CTNNB1: variants seen among roughly 807,000 people sequenced by gnomAD.
CTNNB1 encodes catenin beta-1.
CTNNB1 carries 6 observed loss-of-function variants against 82.5 expected under a neutral mutation model. The ratio of observed to expected loss-of-function variants is 0.07; its 90% CI spans 0.04 to 0.14. The LOEUF is 0.14. Among genes scored for constraint, CTNNB1 ranks in the 10% least tolerant of loss-of-function variants. The pLI, the probability that CTNNB1 is intolerant of heterozygous loss-of-function variation, is 1.00. For synonymous variants in CTNNB1, 312 were observed against 329.7 expected, an observed-to-expected ratio of 0.95 and a Z score of 0.58; for missense variants, 529 against 980.4, an observed-to-expected ratio of 0.54 and a Z score of 6.15.
intron 1 of CTNNB1, among the ~76,000 whole-genome samples, chr3:41,213,040 G>A (rs561165006): frequency 2.4e-4 from 37 of 152,252 alleles, no homozygotes; most frequent in African/African-American, 8.9e-4. Flanking sequence ...ATAAGATTGT[G>A]TTATTCACCT....
intron 1 of CTNNB1, among the ~76,000 whole-genome samples, chr3:41,207,659 C>A (rs2077680100): frequency 6.6e-6 from 1 of 152,218 alleles, no homozygotes; most frequent in African/African-American, 2.4e-5. Context: ...CCCCCAGACT[C>A]TAATCCTGTT....
At position 41,225,597 on chromosome 3, in the gene CTNNB1, G is replaced by A. The variant is rs2125623714; in HGVS notation, c.734+25G>A. On this transcript the variant is annotated intron_variant, in intron 5 of 14. Transcript: ENST00000349496. The surrounding 1 kb of genome is among the most constrained non-coding windows in gnomAD (Gnocchi z 5.3). ...GGTAAGAAAACATGTCAGAATGCTT[G>A]AAGCTAAAAAGTAGAAGAGTATACT... 2 of 1,614,008 alleles carry A rather than the reference G, an allele frequency of 1.2e-6. No homozygotes were observed. Among genetic ancestry groups the A allele is most frequent in the Non-Finnish European group, 1.7e-6 (2 of 1,179,890 alleles).
rs2125627796 is a variant in CTNNB1 at position 41,227,260 on chromosome 3, C to A, written c.989C>A (p.Thr330Asn). The change falls in exon 7 of 15, where the codon ACC becomes AAC. Residue 330 changes from threonine (T) to asparagine (N), a missense_variant. Coordinates refer to ENST00000349496, the MANE Select transcript of CTNNB1 (RefSeq NM_001904.4). ...GPQALVNIMR[T>N]YTYEKLLWTT... Reference sequence around the variant, plus strand: ...CAAGCTTTAGTAAATATAATGAGGACCTATACTTACGAAAAACTACTGTGG... The same window carrying A: ...CAAGCTTTAGTAAATATAATGAGGAACTATACTTACGAAAAACTACTGTGG... The A allele has an allele frequency of 6.2e-7, 1 of 1,612,694 alleles. No individual in the cohort carries two copies. The highest frequency in any genetic ancestry group is 1.1e-5 in the South Asian group (1 of 91,046).
intron 6 of CTNNB1, among the ~76,000 whole-genome samples, chr3:41,226,495 G>T (rs2078179000): frequency 6.6e-6 from 1 of 152,180 alleles, no homozygotes; most frequent in Non-Finnish European, 1.5e-5. Context: ...CTAGGTGAAG[G>T]TTAGGTGAGA....
chr3:41,233,221 G>A (rs1163123405), intron 7 of CTNNB1, 120 bp from the exon 8 acceptor site: 5 of 839,234 alleles, frequency 6.0e-6, no homozygotes, highest in Non-Finnish European at 9.9e-6. Context: ...AAATACTTAG[G>A]TGAAAGGAAG....
intron 1 of CTNNB1, among the ~76,000 whole-genome samples, chr3:41,208,638 G>T (rs4016435): frequency 0.13 from 19,396 of 152,072 alleles, 2,131 homozygotes; most frequent in African/African-American, 0.27. Flanking sequence ...TCGTATACAC[G>T]TTTAACAATC....
chr3:41,234,110 G>T lies in CTNNB1; in HGVS notation c.1525-29G>T, dbSNP rs571211529. ...GGTAAGAAAATGATTTTGTTGAGTT[G>T]TATGCCAGTTCTTCCTTCTGTTTTT... On this transcript the variant is annotated intron_variant, in intron 9 of 14. Coordinates refer to ENST00000349496, the MANE Select transcript of CTNNB1 (RefSeq NM_001904.4). The T allele has an allele frequency of 2.5e-6, 4 of 1,614,078 alleles. No homozygotes were observed. The South Asian group carries it at 4.4e-5, about 18-fold the overall frequency.
rs2078166760 is a variant in CTNNB1 at position 41,225,987 on chromosome 3, T to C, written c.936+126T>C. ...AGTTTCGTGGAAAACAGTTTTTCCATGAATGGGTTGTGGGAATGGTTTCTG... is the reference window on the plus strand; with the variant it reads ...AGTTTCGTGGAAAACAGTTTTTCCACGAATGGGTTGTGGGAATGGTTTCTG... On this transcript the variant is annotated intron_variant, in intron 6 of 14. Transcript: ENST00000349496. This position sits in a 1 kb window ranked among gnomAD's most constrained non-coding sequence, Gnocchi z 5.3. 4.9e-6 allele frequency: 4 copies of C among 823,778 alleles called. No individual in the cohort carries two copies. Among genetic ancestry groups the C allele is most frequent in the South Asian group, 1.4e-5 (1 of 69,132 alleles). The allele number at this position is 823,778 out of a possible 1,614,324, so 51.0% of individuals were successfully genotyped here. A position where few individuals can be genotyped will look rare whatever the true frequency, so the allele number is the denominator to read the frequency against.
At chr3:41,238,115 C>CT (rs1348053454) in intron 14 of CTNNB1, 39 bp downstream of exon 14, 2 of 1,571,138 alleles carry the variant, frequency 1.3e-6, no homozygotes, top group South Asian at 1.1e-5. Flanking sequence ...CCAGATCAAG[C>CT]TAAAGTTCTA....
chr3:41,222,657 C>T (rs1032360347), intron 1 of CTNNB1, among the ~76,000 whole-genome samples: 4 of 152,074 alleles, frequency 2.6e-5, no homozygotes, highest in Non-Finnish European at 4.4e-5. Context: ...CAGTAATATG[C>T]GTAAATGTTT....
chr3:41,230,800 C>T (rs1211532448), intron 7 of CTNNB1, among the ~76,000 whole-genome samples: 1 of 152,152 alleles, frequency 6.6e-6, no homozygotes, highest in Non-Finnish European at 1.5e-5. Context: ...TGTGCTATGT[C>T]TTAGAACCAG....
rs1369266047 is a variant in CTNNB1 at position 41,225,558 on chromosome 3, G to C, written c.720G>C (p.Leu240=). 1.2e-6 allele frequency: 2 copies of C among 1,613,998 alleles called. No individual in the cohort carries two copies. Among genetic ancestry groups the C allele is most frequent in the Non-Finnish European group, 1.7e-6 (2 of 1,179,998 alleles). ...TTAAGTCTGGAGGCATTCCTGCCCT[G>C]GTGAAAATGCTTGGGTAAGAAAACA... ...AIFKSGGIPA[L]VKMLGSPVDS... The change falls in exon 5 of 15, where the codon CTG becomes CTC. Residue 240 remains leucine, a synonymous_variant. Transcript: ENST00000349496. The surrounding 1 kb of genome is among the most constrained non-coding windows in gnomAD (Gnocchi z 5.3).
chr3:41,202,970 AG>A (rs2077566406), intron 1 of CTNNB1, among the ~76,000 whole-genome samples: 1 of 151,934 alleles, frequency 6.6e-6, no homozygotes. Flanking sequence ...TTCCTTCCTA[AG>A]GAAAAATAAG....
At chr3:41,221,349 T>C (rs2078045506) in intron 1 of CTNNB1, 1 of 152,006 alleles carries the variant, frequency 6.6e-6, no homozygotes, top group African/African-American at 2.4e-5. Context: ...CTTTTTTTTT[T>C]TTTTAAATTC....
intron 1 of CTNNB1, chr3:41,200,334 C>G (rs1240329399): frequency 6.6e-6 from 1 of 152,070 alleles, no homozygotes; most frequent in Non-Finnish European, 1.5e-5. Flanking sequence ...GTAGGGTGAG[C>G]ACATAAAAAA....
chr3:41,226,707 T>TG (rs1351256840), intron 6 of CTNNB1, among the ~76,000 whole-genome samples: 6 of 152,068 alleles, frequency 3.9e-5, no homozygotes, highest in African/African-American at 1.4e-4. Flanking sequence ...TTTAGAAAAT[T>TG]GGGGCAGTGT....
In CTNNB1 at chr3:41,210,067, C is replaced by T. The variant is rs187778892; in HGVS notation, c.-49+10397C>T. Among the ~76,000 whole-genome samples, 9 of 152,302 alleles carry T rather than the reference C, an allele frequency of 5.9e-5. No homozygotes were observed. In the South Asian group the frequency reaches 1.2e-3, roughly 21 times the overall value. On this transcript the variant is annotated intron_variant, in intron 1 of 14. Coordinates refer to ENST00000349496, the MANE Select transcript of CTNNB1 (RefSeq NM_001904.4). ...GTAATAACACGTAGCTTAAAACATA[C>T]ATTGTACAGCTGTACAAAAATTTTC...
At chr3:41,212,172 TATCTA>T (rs1413673600) in intron 1 of CTNNB1, among the ~76,000 whole-genome samples, 2 of 152,208 alleles carry the variant, frequency 1.3e-5, no homozygotes, top group Non-Finnish European at 2.9e-5. Context: ...TTATTTGGGG[TATCTA>T]ATCATAATCT....
At chr3:41,229,116 T>C (rs2078244058) in intron 7 of CTNNB1, among the ~76,000 whole-genome samples, 1 of 152,224 alleles carries the variant, frequency 6.6e-6, no homozygotes, top group South Asian at 2.1e-4. Context: ...GTATTAACAG[T>C]ATAGCTTGAA....
Sources: allele counts gnomAD v4.1 joint callset (sites outside exome capture counted in the v4.1 genomes callset), GRCh38; gene constraint gnomAD v4.1.1; non-coding constraint Gnocchi (gnomAD v3.1); transcripts MANE v1.5; gene names NCBI Gene and HGNC (gene_info 2026-07-23, HGNC 2026-07-21).